Variants in SLC4A3 observed in about 807,000 individuals in gnomAD.
SLC4A3 encodes the protein anion exchange protein 3.
A neutral mutation model predicts 114.2 loss-of-function variants in SLC4A3; 47 were observed. The ratio of observed to expected loss-of-function variants is 0.41; its 90% CI spans 0.33 to 0.52. SLC4A3 has a LOEUF of 0.52. SLC4A3 is among the 20% of genes least tolerant of loss of function. The probability of loss-of-function intolerance (pLI) is 0.21; values close to 1 mark genes in which losing one functional copy is unlikely to be tolerated. For synonymous variants in SLC4A3, 693 were observed against 710.3 expected, an observed-to-expected ratio of 0.98 and a Z score of 0.39; for missense variants, 1,312 against 1,668.3, an observed-to-expected ratio of 0.79 and a Z score of 3.72.
At position 219,628,639 on chromosome 2, in the gene SLC4A3, G is replaced by A. The variant is rs1035637945; in HGVS notation, c.217+69G>A. 9.3e-6 allele frequency: 14 copies of A among 1,510,120 alleles called. No individual in the cohort carries two copies. Among genetic ancestry groups the A allele is most frequent in the African/African-American group, 8.3e-5 (6 of 72,394 alleles). 93.5% of individuals were successfully genotyped at this position (1,510,120 alleles called of 1,614,324 possible). ...TCACCTTCATCGCCACCATCACCGC[G>A]CTCACCTCCGGCTTGGTCACCCAGT... On this transcript the variant is annotated intron_variant, in intron 3 of 22. Transcript: ENST00000358055. This position sits in a 1 kb window ranked among gnomAD's most constrained non-coding sequence, Gnocchi z 4.8.
chr2:219,634,053 C>T, intron 11 of SLC4A3, 74 bp downstream of exon 11: 1 of 1,447,796 alleles, frequency 6.9e-7, no homozygotes. Context: ...CTTGTCTGAG[C>T]TCTGGCCTCG....
Position 219,631,562 on chromosome 2 carries a change from C to A in SLC4A3, c.812-406C>A. The A allele has an allele frequency of 9.4e-7, 1 of 1,066,370 alleles. No homozygotes were observed. Among genetic ancestry groups the A allele is most frequent in the Non-Finnish European group, 1.2e-6 (1 of 808,030 alleles). 66.1% of individuals were successfully genotyped at this position (1,066,370 alleles called of 1,614,324 possible). The stretch of plus-strand genomic sequence containing the variant: ...CTGAGTCTACTGGGCTGTGTACCTT[C>A]GGGGAGGGGACGTGGGTGTTGAGAT... On this transcript the variant is annotated intron_variant, in intron 6 of 22. Transcript: ENST00000358055. The surrounding 1 kb of genome is among the most constrained non-coding windows in gnomAD (Gnocchi z 6.3).
chr2:219,638,899 G>C lies in SLC4A3; in HGVS notation c.3023+30G>C, dbSNP rs1440220792. On this transcript the variant is annotated intron_variant, in intron 19 of 22. Transcript: ENST00000358055. This position sits in a 1 kb window ranked among gnomAD's most constrained non-coding sequence, Gnocchi z 7.5. ...GAGAGATGGGAGGAGGAGGTGGGAG[G>C]GACGAGGCCAAGCTCCTTGGCTCCT... 1.9e-6 allele frequency: 3 copies of C among 1,608,222 alleles called. No homozygotes were observed. The Admixed American group carries it at 5.0e-5, about 27-fold the overall frequency.
chr2:219,639,416 G>A lies in SLC4A3; in HGVS notation c.3024-66G>A, dbSNP rs550725232. On this transcript the variant is annotated intron_variant, in intron 19 of 22. Coordinates refer to ENST00000358055, the MANE Select transcript of SLC4A3 (RefSeq NM_005070.4). This position sits in a 1 kb window ranked among gnomAD's most constrained non-coding sequence, Gnocchi z 5.9. ...CCCCCACCATCTCGTCTCTGTGTGC[G>A]TGCCTGTCTTTGTCCCCTGCCCCTG... 95 of 1,562,114 alleles carry A rather than the reference G, an allele frequency of 6.1e-5. No individual in the cohort carries two copies. In the South Asian group the frequency reaches 6.8e-4, roughly 11 times the overall value.
chr2:219,628,035 CT>C lies in SLC4A3; in HGVS notation c.44del (p.Leu15HisfsTer13). ...VIPPPGGASP[L>X]PQVRVPLEEP... ...CCCGCCGCCCGGGGGCGCCTCCCCCCTACCCCAGGTGATCGGCGCGCGCGGG... is the reference window on the plus strand; with the variant it reads ...CCCGCCGCCCGGGGGCGCCTCCCCCCACCCCAGGTGATCGGCGCGCGCGGG... On this transcript the variant is annotated frameshift_variant, in exon 2 of 23. Transcript: ENST00000358055. LOFTEE classifies it high-confidence loss of function. This position sits in a 1 kb window ranked among gnomAD's most constrained non-coding sequence, Gnocchi z 4.8. The C allele has an allele frequency of 6.3e-6, 10 of 1,576,286 alleles. No individual in the cohort carries two copies. Among genetic ancestry groups the C allele is most frequent in the African/African-American group, 1.4e-5 (1 of 73,060 alleles).
At position 219,638,914 on chromosome 2, in the gene SLC4A3, C is replaced by T; in HGVS notation, c.3023+45C>T. ...GAGGTGGGAGGGACGAGGCCAAGCTCCTTGGCTCCTTGGCTTGGTTTCAGG... is the reference window on the plus strand; with the variant it reads ...GAGGTGGGAGGGACGAGGCCAAGCTTCTTGGCTCCTTGGCTTGGTTTCAGG... On this transcript the variant is annotated intron_variant, in intron 19 of 22. Coordinates refer to ENST00000358055, the MANE Select transcript of SLC4A3 (RefSeq NM_005070.4). The surrounding 1 kb of genome is among the most constrained non-coding windows in gnomAD (Gnocchi z 7.5). The T allele has an allele frequency of 6.3e-7, 1 of 1,589,408 alleles. No individual in the cohort carries two copies.
Position 219,636,706 on chromosome 2 carries a change from C to A in SLC4A3, c.2367C>A (p.Tyr789Ter). 1 of 1,614,006 alleles carries A rather than the reference C, an allele frequency of 6.2e-7. No homozygotes were observed. Among genetic ancestry groups the A allele is most frequent in the Non-Finnish European group, 8.5e-7 (1 of 1,179,930 alleles). The change falls in exon 16 of 23, where the codon TAC (tyrosine) becomes TAA (stop). Residue 789 changes from tyrosine to a stop codon, truncating the protein, a stop_gained. Coordinates refer to ENST00000358055, the MANE Select transcript of SLC4A3 (RefSeq NM_005070.4). LOFTEE classifies it high-confidence loss of function. This position sits in a 1 kb window ranked among gnomAD's most constrained non-coding sequence, Gnocchi z 5.5. ...TCTGCCGAGCCCAGGACCTGGAGTACCTCACTGGCCGGGTGTGGGTTGGTC... is the reference window on the plus strand; with the variant it reads ...TCTGCCGAGCCCAGGACCTGGAGTAACTCACTGGCCGGGTGTGGGTTGGTC... The part of the protein sequence containing the change: ...FKFCRAQDLE[Y>*]LTGRVWVGLW...
At position 219,630,440 on chromosome 2, in the gene SLC4A3, C is replaced by G; in HGVS notation, c.811+88C>G. 1 of 1,394,636 alleles carries G rather than the reference C, an allele frequency of 7.2e-7. No homozygotes were observed. The highest frequency in any genetic ancestry group is 2.3e-5 in the East Asian group (1 of 42,746). 86.4% of individuals were successfully genotyped at this position (1,394,636 alleles called of 1,614,324 possible). ...CCTTGGAGAGGCTCTGAGCTGTCCC[C>G]TGCTAAGGGCTGAGTCCTCTCTGAA... On this transcript the variant is annotated intron_variant, in intron 6 of 22. Transcript: ENST00000358055. This position sits in a 1 kb window ranked among gnomAD's most constrained non-coding sequence, Gnocchi z 6.9.
Position 219,635,784 on chromosome 2 carries a change from A to G in SLC4A3, c.2084A>G (p.His695Arg), listed in dbSNP as rs148960786. 2.5e-6 allele frequency: 4 copies of G among 1,594,878 alleles called. No homozygotes were observed. The highest frequency in any genetic ancestry group is 1.4e-5 in the African/African-American group (1 of 73,954). The change falls in exon 14 of 23, where the codon CAC becomes CGC. Residue 695 changes from histidine (H) to arginine (R), a missense_variant. His to Arg is a conservative substitution (Grantham distance 29, BLOSUM62 0). This residue lies in a region of SLC4A3 where 771 missense variants were observed against 977.7 expected (regional missense o/e 0.79). Coordinates refer to ENST00000358055, the MANE Select transcript of SLC4A3 (RefSeq NM_005070.4). ...LVRDVRRRYP[H>R]YPSDLRDALH... Reference sequence around the variant, plus strand: ...CGGGATGTGAGGCGCCGGTACCCGCACTACCCCAGTGACCTGCGAGATGCG... The same window carrying G: ...CGGGATGTGAGGCGCCGGTACCCGCGCTACCCCAGTGACCTGCGAGATGCG...
In SLC4A3 at chr2:219,636,660, C is replaced by A. The variant is rs1201694381; in HGVS notation, c.2341-20C>A. On this transcript the variant is annotated intron_variant, in intron 15 of 22. Coordinates refer to ENST00000358055, the MANE Select transcript of SLC4A3 (RefSeq NM_005070.4). The surrounding 1 kb of genome is among the most constrained non-coding windows in gnomAD (Gnocchi z 5.5). ...AGGGCAGTCCACCTGTGGGTAACGACCGCTCCTACCCCCACCTAGTTCTGC... is the reference window on the plus strand; with the variant it reads ...AGGGCAGTCCACCTGTGGGTAACGAACGCTCCTACCCCCACCTAGTTCTGC... The A allele has an allele frequency of 6.2e-7, 1 of 1,603,600 alleles. No individual in the cohort carries two copies. Among genetic ancestry groups the A allele is most frequent in the South Asian group, 1.1e-5 (1 of 89,874 alleles).
Position 219,636,514 on chromosome 2 carries a change from C to T in SLC4A3, c.2340+64C>T, listed in dbSNP as rs1699124333. On this transcript the variant is annotated intron_variant, in intron 15 of 22. Transcript: ENST00000358055. The surrounding 1 kb of genome is among the most constrained non-coding windows in gnomAD (Gnocchi z 5.5). ...CACACTCTTCCTTACCTACATCCTG[C>T]CCCACACTCTTCCTTACCTACATCC... The T allele has an allele frequency of 5.2e-6, 8 of 1,530,698 alleles. No homozygotes were observed. In the Admixed American group the frequency reaches 1.6e-4, roughly 30 times the overall value. The allele number at this position is 1,530,698 out of a possible 1,614,324, so 94.8% of individuals were successfully genotyped here.
intron 20 of SLC4A3, 83 bp from the exon 21 acceptor site, chr2:219,640,347 C>A: frequency 2.0e-6 from 3 of 1,480,978 alleles, no homozygotes; most frequent in Non-Finnish European, 1.8e-6. Flanking sequence ...GAGGGTCAGG[C>A]AGATCTGTGT....
chr2:219,633,569 T>C (rs1574650498), intron 10 of SLC4A3, 112 bp downstream of exon 10: 2 of 1,041,340 alleles, frequency 1.9e-6, no homozygotes, highest in Non-Finnish European at 2.7e-6. Flanking sequence ...GCTGGCATCA[T>C]GCTGGGCATT....
Position 219,629,397 on chromosome 2 carries a change from C to CT in SLC4A3, c.472dup (p.Ser158PhefsTer14). 6.3e-7 allele frequency: 1 copy of CT among 1,585,862 alleles called. No individual in the cohort carries two copies. Among genetic ancestry groups the CT allele is most frequent in the South Asian group, 1.2e-5 (1 of 86,138 alleles). ...AGGCAGAACCTGTGGAGCCCCCCCA[C>CT]TCAGGGACCCCACAGAAGGCAAAGG... On this transcript the variant is annotated frameshift_variant, in exon 4 of 23. Transcript: ENST00000358055. LOFTEE classifies it high-confidence loss of function.
chr2:219,631,333 C>T lies in SLC4A3; in HGVS notation c.812-635C>T. 7.7e-7 allele frequency: 1 copy of T among 1,304,108 alleles called. No homozygotes were observed. Among genetic ancestry groups the T allele is most frequent in the Non-Finnish European group, 1.0e-6 (1 of 988,834 alleles). The allele number at this position is 1,304,108 out of a possible 1,614,324, so 80.8% of individuals were successfully genotyped here. ...AGCTGGGGCTTTGGGAGGGATCCAG[C>T]CCCCAGTCCTCGAGACTCACTGGCC... On this transcript the variant is annotated intron_variant, in intron 6 of 22. Transcript: ENST00000358055. This position sits in a 1 kb window ranked among gnomAD's most constrained non-coding sequence, Gnocchi z 6.3.
At position 219,628,104 on chromosome 2, in the gene SLC4A3, T is replaced by G; in HGVS notation, c.51+61T>G. The G allele has an allele frequency of 3.0e-6, 4 of 1,322,272 alleles. No homozygotes were observed. Among genetic ancestry groups the G allele is most frequent in the Non-Finnish European group, 4.1e-6 (4 of 984,956 alleles). The allele number at this position is 1,322,272 out of a possible 1,614,324, so 81.9% of individuals were successfully genotyped here. A position where few individuals can be genotyped will look rare whatever the true frequency, so the allele number is the denominator to read the frequency against. On this transcript the variant is annotated intron_variant, in intron 2 of 22. Transcript: ENST00000358055. The surrounding 1 kb of genome is among the most constrained non-coding windows in gnomAD (Gnocchi z 4.8). The stretch of plus-strand genomic sequence containing the variant: ...GGAGGAGAGGGGAGGGACCTTAGGG[T>G]GGGCAGAGGAGTCCTCTGGCCGACC...
At chr2:219,634,682 C>T in intron 12 of SLC4A3, 78 bp downstream of exon 12, 1 of 1,473,510 alleles carries the variant, frequency 6.8e-7, no homozygotes, top group Admixed American at 2.0e-5. Context: ...ACAGTGGTGC[C>T]CATAGAGGCA....
chr2:219,635,590 C>A, intron 13 of SLC4A3, 83 bp from the exon 14 acceptor site: 1 of 1,469,178 alleles, frequency 6.8e-7, no homozygotes, highest in South Asian at 1.2e-5. Flanking sequence ...CTCCTGGAGT[C>A]CTTTGCATCC....
Position 219,634,185 on chromosome 2 carries a change from C to T in SLC4A3, c.1561+206C>T, listed in dbSNP as rs925273045. On this transcript the variant is annotated intron_variant, in intron 11 of 22. Coordinates refer to ENST00000358055, the MANE Select transcript of SLC4A3 (RefSeq NM_005070.4). ...TGCTTCCTGTCCAGTTTTCTGCTAT[C>T]TTGGAGTTGGAATTAGAAAAAAAAG... Among the ~76,000 whole-genome samples, 10 of 152,200 alleles carry T rather than the reference C, an allele frequency of 6.6e-5. 1 individual carries two copies. Among genetic ancestry groups the T allele is most frequent in the African/African-American group, 2.4e-4 (10 of 41,448 alleles).
Sources: gnomAD v4.1 joint callset for allele counts (sites outside exome capture counted in the v4.1 genomes callset) on GRCh38, gnomAD v4.1.1 for gene constraint, gnomAD v4.1.1 regional missense constraint, Gnocchi (gnomAD v3.1) non-coding constraint, MANE v1.5 for transcripts, NCBI Gene and HGNC (gene_info 2026-07-23, HGNC 2026-07-21) for gene names.